Variants in CUX2 observed in about 807,000 individuals in gnomAD.
CUX2 encodes the protein cut like homeobox 2.
In CUX2, 40 loss-of-function variants were observed where a neutral mutation model predicts 144.8. The ratio of observed to expected loss-of-function variants is 0.28; its 90% CI spans 0.21 to 0.36. The LOEUF is 0.36. Among genes scored for constraint, CUX2 ranks in the 10% least tolerant of loss-of-function variants. The probability of loss-of-function intolerance (pLI) is 1.00; values close to 1 mark genes in which losing one functional copy is unlikely to be tolerated. For synonymous variants in CUX2, 827 were observed against 875.6 expected (o/e 0.94, Z 0.98); for missense variants, 1,615 against 1,994.0 (o/e 0.81, Z 3.62).
chr12:111,147,763 T>G (rs1188931032), intron 1 of CUX2, among the ~76,000 whole-genome samples: 1 of 152,164 alleles, frequency 6.6e-6, no homozygotes, highest in Non-Finnish European at 1.5e-5. Flanking sequence ...GGAGCAGATC[T>G]CTATGATGCC....
chr12:111,229,256 T>C (rs1307359399), intron 3 of CUX2, among the ~76,000 whole-genome samples: 3 of 152,192 alleles, frequency 2.0e-5, no homozygotes, highest in Non-Finnish European at 4.4e-5. Flanking sequence ...GGGGCTGGAC[T>C]GCGTGACCCC....
At chr12:111,327,337 T>G (rs980576851) in intron 18 of CUX2, among the ~76,000 whole-genome samples, 7 of 152,214 alleles carry the variant, frequency 4.6e-5, no homozygotes, top group African/African-American at 1.7e-4. Context: ...CTATGAAAAT[T>G]TGTGTACATA....
intron 1 of CUX2, among the ~76,000 whole-genome samples, chr12:111,181,691 C>T (rs906955887): frequency 6.6e-6 from 1 of 152,210 alleles, no homozygotes; most frequent in Non-Finnish European, 1.5e-5. Context: ...CCTCCAGCAT[C>T]GATTACCGTT....
intron 1 of CUX2, among the ~76,000 whole-genome samples, chr12:111,066,326 T>G (rs193050483): frequency 6.6e-6 from 1 of 152,342 alleles, no homozygotes; most frequent in Admixed American, 6.5e-5. Context: ...GTGGGAGCAT[T>G]TCAGGTTATA....
At chr12:111,153,419 A>G (rs898985644) in intron 1 of CUX2, among the ~76,000 whole-genome samples, 1 of 152,166 alleles carries the variant, frequency 6.6e-6, no homozygotes, top group African/African-American at 2.4e-5. Context: ...GTTCTTACAC[A>G]AACCTAGACA....
chr12:111,276,286 C>G (rs970652815), intron 4 of CUX2, among the ~76,000 whole-genome samples: 1 of 151,994 alleles, frequency 6.6e-6, no homozygotes, highest in Non-Finnish European at 1.5e-5. Flanking sequence ...CCCAAGGGGT[C>G]GAGGCTGCAG....
chr12:111,265,687 C>T (rs1401452877), intron 4 of CUX2, among the ~76,000 whole-genome samples: 1 of 152,092 alleles, frequency 6.6e-6, no homozygotes. Flanking sequence ...GCTACCTTCT[C>T]ATTTACTGAC....
chr12:111,134,135 T>C (rs905274271), intron 1 of CUX2, among the ~76,000 whole-genome samples: 2 of 152,220 alleles, frequency 1.3e-5, no homozygotes, highest in African/African-American at 4.8e-5. Context: ...AGGCCATTTA[T>C]GTGGCACTTG....
Position 111,310,625 on chromosome 12 carries a change from T to C in CUX2, c.1843T>C (p.Phe615Leu). ...GGAGCCCTTCATCAAGATGAAGCAG[T>C]TCCTGTCGGATGAGCAGAATGTACT... Reference protein sequence around the residue: ...GKEPFIKMKQFLSDEQNVLAL... With the variant: ...GKEPFIKMKQLLSDEQNVLAL... The change falls in exon 15 of 22, where the codon TTC (phenylalanine) becomes CTC (leucine). Residue 615 changes from phenylalanine to leucine, a missense_variant. Phe to Leu is a conservative substitution (Grantham distance 22). Coordinates refer to ENST00000261726, the MANE Select transcript of CUX2 (RefSeq NM_015267.4). This position sits in a 1 kb window ranked among gnomAD's most constrained non-coding sequence, Gnocchi z 7.9. 6.2e-7 allele frequency: 1 copy of C among 1,610,054 alleles called. No homozygotes were observed. Among genetic ancestry groups the C allele is most frequent in the Non-Finnish European group, 8.5e-7 (1 of 1,177,128 alleles).
chr12:111,345,535 A>G (rs1349169570), intron 21 of CUX2, among the ~76,000 whole-genome samples: 2 of 150,764 alleles, frequency 1.3e-5, no homozygotes, highest in Non-Finnish European at 2.9e-5. Flanking sequence ...CGAGGTCAGG[A>G]GATCGAGACC....
intron 3 of CUX2, among the ~76,000 whole-genome samples, chr12:111,261,120 C>T (rs1301312661): frequency 1.3e-5 from 2 of 152,176 alleles, no homozygotes; most frequent in Admixed American, 1.3e-4. Flanking sequence ...AGGAAGGCAG[C>T]ATTTGAATTC....
intron 1 of CUX2, among the ~76,000 whole-genome samples, chr12:111,162,982 T>A (rs1478515413): frequency 2.0e-5 from 3 of 151,350 alleles, no homozygotes; most frequent in Admixed American, 2.0e-4. Context: ...GGAGGCCGAG[T>A]TTGCAGTGAG....
chr12:111,120,104 G>T (rs1223368785), intron 1 of CUX2, among the ~76,000 whole-genome samples: 1 of 152,080 alleles, frequency 6.6e-6, no homozygotes, highest in East Asian at 1.9e-4. Context: ...AAAGGGAATA[G>T]CCTGGAGAAT....
At chr12:111,342,196 G>A (rs1888608754) in intron 21 of CUX2, 143 bp downstream of exon 21, 1 of 996,602 alleles carries the variant, frequency 1.0e-6, no homozygotes, top group Non-Finnish European at 1.5e-6. Flanking sequence ...TAGAACACAG[G>A]CCCAAGTGCA....
chr12:111,231,897 A>G (rs1565863213), intron 3 of CUX2, among the ~76,000 whole-genome samples: 1 of 151,834 alleles, frequency 6.6e-6, no homozygotes, highest in Non-Finnish European at 1.5e-5. Context: ...CATGAAGTCA[A>G]GAGATCATGA....
intron 1 of CUX2, among the ~76,000 whole-genome samples, chr12:111,104,750 A>G (rs1044444955): frequency 6.6e-6 from 1 of 152,188 alleles, no homozygotes. Context: ...CCTGGTTACC[A>G]GAGGAGGAAA....
In CUX2 at chr12:111,249,083, G is replaced by A. The variant is rs536880447; in HGVS notation, c.223-14678G>A. 2.0e-3 allele frequency among the ~76,000 whole-genome samples: 312 copies of A among 152,286 alleles called. 3 individuals are homozygous for A. Among genetic ancestry groups the A allele is most frequent in the African/African-American group, 7.2e-3 (298 of 41,554 alleles). On this transcript the variant is annotated intron_variant, in intron 3 of 21. Transcript: ENST00000261726. ...CAGTCTCGTGTGTCGTGTGACCCCC[G>A]TGAACGAGGTGGGACACACATGTGC...
intron 1 of CUX2, among the ~76,000 whole-genome samples, chr12:111,203,608 G>A (rs976665823): frequency 5.3e-5 from 8 of 152,096 alleles, no homozygotes; most frequent in Non-Finnish European, 1.2e-4. Context: ...GAGCAGAGTG[G>A]GCCGGAGGGT....
intron 1 of CUX2, among the ~76,000 whole-genome samples, chr12:111,207,708 G>A (rs1170424142): frequency 6.6e-6 from 1 of 152,114 alleles, no homozygotes; most frequent in Non-Finnish European, 1.5e-5. Context: ...TGGTGTAATA[G>A]ACTCTCAATA....
Sources: allele counts gnomAD v4.1 joint callset (sites outside exome capture counted in the v4.1 genomes callset), GRCh38; gene constraint gnomAD v4.1.1; non-coding constraint Gnocchi (gnomAD v3.1); transcripts MANE v1.5; gene names NCBI Gene and HGNC (gene_info 2026-07-23, HGNC 2026-07-21).